MCC: variants seen among roughly 807,000 people sequenced by gnomAD.
MCC encodes colorectal mutant cancer protein.
A neutral mutation model predicts 116.2 loss-of-function variants in MCC; 90 were observed. The ratio of observed to expected loss-of-function variants is 0.77; its 90% CI spans 0.65 to 0.92. The LOEUF (loss-of-function observed/expected upper bound fraction) is 0.92, where lower values mean the gene tolerates loss of function less well. MCC is among the 40% of genes least tolerant of loss of function. The probability of loss-of-function intolerance (pLI) is 0.00; values close to 1 mark genes in which losing one functional copy is unlikely to be tolerated. For missense variants in MCC, 1,516 were observed against 1,312.2 expected, an observed-to-expected ratio of 1.16 and a Z score of -2.40; for synonymous variants, 578 against 510.5, an observed-to-expected ratio of 1.13 and a Z score of -1.78.
At chr5:113,065,248 T>C (rs966464704) in intron 13 of MCC, among the ~76,000 whole-genome samples, 3 of 152,054 alleles carry the variant, frequency 2.0e-5, no homozygotes, top group Non-Finnish European at 4.4e-5. Context: ...TATACTACCC[T>C]GGTGGGGGAC....
At position 113,433,791 on chromosome 5, in the gene MCC, G is replaced by A. The variant is rs764791999; in HGVS notation, c.171-48579C>T. On this transcript the variant is annotated intron_variant, in intron 1 of 18. Transcript: ENST00000408903. ...GGGGGGCCCTTCCTCTGTCTCCATA[G>A]TCGACGGCTTGCTGGGGAAACCCAG... is the stretch of plus-strand genomic sequence containing the variant. The A allele has an allele frequency of 4.3e-6, 7 of 1,613,990 alleles. No homozygotes were observed. The South Asian group carries it at 7.7e-5, about 18-fold the overall frequency.
At chr5:113,084,003 A>G in intron 10 of MCC, 98 bp downstream of exon 10, 2 of 889,318 alleles carry the variant, frequency 2.2e-6, no homozygotes, top group East Asian at 4.9e-5. Context: ...TAACTGGTTT[A>G]TTGGAGATAG....
chr5:113,084,836 T>C (rs1755094619), intron 9 of MCC, among the ~76,000 whole-genome samples: 1 of 152,196 alleles, frequency 6.6e-6, no homozygotes, highest in South Asian at 2.1e-4. Flanking sequence ...GGGCTGAACC[T>C]TAGTCTTTGA....
At chr5:113,087,231 A>T (rs559539269) in intron 8 of MCC, among the ~76,000 whole-genome samples, 1 of 152,326 alleles carries the variant, frequency 6.6e-6, no homozygotes, top group Admixed American at 6.5e-5. Context: ...ATTCATCAAC[A>T]TATTAGAAGC....
intron 3 of MCC, among the ~76,000 whole-genome samples, chr5:113,176,177 G>T (rs1394172572): frequency 1.3e-5 from 2 of 152,112 alleles, no homozygotes; most frequent in African/African-American, 4.8e-5. Flanking sequence ...CTGAGAAATA[G>T]CTCCTAAATG....
At chr5:113,291,360 G>A (rs1228429988) in intron 3 of MCC, among the ~76,000 whole-genome samples, 1 of 152,188 alleles carries the variant, frequency 6.6e-6, no homozygotes, top group African/African-American at 2.4e-5. Context: ...ATCAGCAGAT[G>A]ACAACCAGAA....
chr5:113,333,657 TCTGA>T (rs927412127), intron 3 of MCC, among the ~76,000 whole-genome samples: 41 of 149,984 alleles, frequency 2.7e-4, no homozygotes, highest in East Asian at 2.0e-4. Flanking sequence ...TAGAAATGAG[TCTGA>T]CTGTGTTTAC....
At chr5:113,207,634 A>G (rs566319035) in intron 3 of MCC, among the ~76,000 whole-genome samples, 2 of 152,336 alleles carry the variant, frequency 1.3e-5, no homozygotes, top group East Asian at 3.9e-4. Flanking sequence ...AATGATTCTC[A>G]GCAGGGCTCC....
chr5:113,027,590 G>T (rs1750646852), intron 18 of MCC, 108 bp from the exon 19 acceptor site: 1 of 985,470 alleles, frequency 1.0e-6, no homozygotes, highest in East Asian at 2.4e-5. Context: ...TCTGAAGAAA[G>T]ATCACTCATC....
chr5:113,403,475 T>C (rs1216159931), intron 1 of MCC, among the ~76,000 whole-genome samples: 1 of 152,200 alleles, frequency 6.6e-6, no homozygotes, highest in Non-Finnish European at 1.5e-5. Flanking sequence ...GTGTTCTACG[T>C]AATTAAACAA....
chr5:113,108,330 TTAAAAA>T (rs1740053607), intron 6 of MCC, among the ~76,000 whole-genome samples: 1 of 43,188 alleles, frequency 2.3e-5, no homozygotes, highest in African/African-American at 1.1e-4. Flanking sequence ...ACACTCTATC[TTAAAAA>T]AAAAAAAAAA....
intron 2 of MCC, among the ~76,000 whole-genome samples, chr5:113,357,465 C>A (rs1311930195): frequency 2.0e-5 from 3 of 152,106 alleles, no homozygotes; most frequent in African/African-American, 7.2e-5. Flanking sequence ...CCCCACCTAC[C>A]AGGAATGTCC....
At chr5:113,154,170 T>C (rs1197394059) in intron 3 of MCC, among the ~76,000 whole-genome samples, 2 of 152,224 alleles carry the variant, frequency 1.3e-5, no homozygotes, top group African/African-American at 4.8e-5. Flanking sequence ...TATTTCTGTA[T>C]TAAAGACACA....
At chr5:113,457,288 G>T (rs1561582545) in intron 1 of MCC, among the ~76,000 whole-genome samples, 1 of 152,258 alleles carries the variant, frequency 6.6e-6, no homozygotes, top group East Asian at 1.9e-4. Flanking sequence ...TTAGCACCCG[G>T]GCCAGCGGCT....
At chr5:113,042,546 G>C (rs542715596) in intron 17 of MCC, among the ~76,000 whole-genome samples, 2 of 127,932 alleles carry the variant, frequency 1.6e-5, no homozygotes, top group African/African-American at 5.8e-5. Context: ...CACTAAAAAA[G>C]AGATGACAGA....
At chr5:113,428,720 C>G (rs1163445608) in intron 1 of MCC, 1 of 152,154 alleles carries the variant, frequency 6.6e-6, no homozygotes, top group African/African-American at 2.4e-5. Flanking sequence ...CTGAAGAACA[C>G]AATCTCAAGG....
intron 3 of MCC, chr5:113,295,017 G>C: frequency 2.1e-6 from 2 of 947,356 alleles, no homozygotes; most frequent in Non-Finnish European, 2.5e-6. Flanking sequence ...AGGGAGAAAA[G>C]GGTGGGGGCG....
intron 3 of MCC, among the ~76,000 whole-genome samples, chr5:113,308,106 G>A (rs554825267): frequency 6.6e-6 from 1 of 152,020 alleles, no homozygotes; most frequent in East Asian, 1.9e-4. Context: ...CCCAATAGCT[G>A]AGACTACAGA....
At chr5:113,072,835 C>T (rs1754132987) in intron 11 of MCC, among the ~76,000 whole-genome samples, 1 of 152,192 alleles carries the variant, frequency 6.6e-6, no homozygotes, top group Non-Finnish European at 1.5e-5. Flanking sequence ...GAGGGCCAGG[C>T]TCACATATCC....
Sources: allele counts gnomAD v4.1 joint callset (sites outside exome capture counted in the v4.1 genomes callset), GRCh38; gene constraint gnomAD v4.1.1; transcripts MANE v1.5; gene names NCBI Gene and HGNC (gene_info 2026-07-23, HGNC 2026-07-21).